Variants in WIZ observed in about 807,000 individuals in gnomAD.
The protein encoded by WIZ is WIZ zinc finger.
In WIZ, 25 loss-of-function variants were observed where a neutral mutation model predicts 140.2. The ratio of observed to expected loss-of-function variants is 0.18; its 90% CI spans 0.13 to 0.25. The LOEUF is 0.25. Ranked by LOEUF, WIZ falls within the 10% of genes least tolerant of loss-of-function variation. The pLI is 1.00. For synonymous variants in WIZ, 1,125 were observed against 1,154.3 expected (o/e 0.97, Z 0.51); for missense variants, 2,231 against 2,632.6 (o/e 0.85, Z 3.34).
chr19:15,428,050 C>T lies in WIZ; in HGVS notation c.3814+60G>A, dbSNP rs1475055904. 6.6e-7 allele frequency: 1 copy of T among 1,514,644 alleles called. No individual in the cohort carries two copies. The highest frequency in any genetic ancestry group is 8.8e-7 in the Non-Finnish European group (1 of 1,138,434). 93.8% of individuals were successfully genotyped at this position (1,514,644 alleles called of 1,614,324 possible). The stretch of plus-strand genomic sequence containing the variant: ...CCAGCAGGGAGGGGGCTGTGACCCC[C>T]CCCCCGGGAGGGGCTCCAGGGCCCG... On this transcript the variant is annotated intron_variant, in intron 8 of 12. Coordinates refer to ENST00000673675, the MANE Select transcript of WIZ (RefSeq NM_001371589.1). This position sits in a 1 kb window ranked among gnomAD's most constrained non-coding sequence, Gnocchi z 6.4.
intron 4 of WIZ, 60 bp from the exon 5 acceptor site, chr19:15,437,189 C>T (rs1969549446): frequency 1.4e-6 from 2 of 1,448,556 alleles, no homozygotes; most frequent in East Asian, 5.2e-5. Context: ...AGCCCCAACC[C>T]CTCCCCATAT....
rs1432535094 is a variant in WIZ, at chr19:15,440,465, G to A, written c.529C>T (p.His177Tyr). ...HRGEPRLLEK[H>Y]AQGRPRFDWL... Reference sequence around the variant, plus strand: ...TCGAACCTGGGGCGGCCCTGGGCATGTTTCTCCAAAAGCCTTGGTTCCCCC... The same window carrying A: ...TCGAACCTGGGGCGGCCCTGGGCATATTTCTCCAAAAGCCTTGGTTCCCCC... Residue 177 changes from histidine (H) to tyrosine (Y), a missense_variant, in exon 4 of 13, where the codon CAT becomes TAT. Transcript: ENST00000673675. This position sits in a 1 kb window ranked among gnomAD's most constrained non-coding sequence, Gnocchi z 6.2. The A allele has an allele frequency of 1.3e-6, 2 of 1,536,130 alleles. No homozygotes were observed. The highest frequency in any genetic ancestry group is 1.7e-6 in the Non-Finnish European group (2 of 1,146,892).
Position 15,438,782 on chromosome 19 carries a change from C to T in WIZ, c.2212G>A (p.Gly738Arg). 1 of 1,531,158 alleles carries T rather than the reference C, an allele frequency of 6.5e-7. No individual in the cohort carries two copies. The highest frequency in any genetic ancestry group is 8.7e-7 in the Non-Finnish European group (1 of 1,142,860). 94.8% of individuals were successfully genotyped at this position (1,531,158 alleles called of 1,614,324 possible). A position where few individuals can be genotyped will look rare whatever the true frequency, so the allele number is the denominator to read the frequency against. Residue 738 changes from glycine to arginine, a missense_variant, in exon 4 of 13, where the codon GGG becomes AGG. Around this residue, in one of 15 missense-constraint regions of WIZ, gnomAD observed 118 missense variants for 209.1 expected, o/e 0.56. Transcript: ENST00000673675. ...GPLGLDTLLD[G>R]DPAMALKHEE... Reference sequence around the variant, plus strand: ...TGCTTCAGTGCCATGGCCGGATCCCCATCCAGGAGTGTGTCCAGCCCCAGC... The same window carrying T: ...TGCTTCAGTGCCATGGCCGGATCCCTATCCAGGAGTGTGTCCAGCCCCAGC...
At chr19:15,433,208 C>T in intron 5 of WIZ, 1 of 972,648 alleles carries the variant, frequency 1.0e-6, no homozygotes, top group Non-Finnish European at 1.2e-6. Context: ...ATCCTGTTAT[C>T]CAACCGTCCC....
At chr19:15,426,167 G>A (rs1968807936) in intron 9 of WIZ, among the ~76,000 whole-genome samples, 1 of 151,958 alleles carries the variant, frequency 6.6e-6, no homozygotes, top group Non-Finnish European at 1.5e-5. Context: ...TTCCTCCGCT[G>A]CAAAATGGAG....
At position 15,430,908 on chromosome 19, in the gene WIZ, T is replaced by C. The variant is rs1244064911; in HGVS notation, c.2911+104A>G. On this transcript the variant is annotated intron_variant, in intron 6 of 12. Coordinates refer to ENST00000673675, the MANE Select transcript of WIZ (RefSeq NM_001371589.1). ...TGCCTCAAGGTGCCAGAGGGAAAAC[T>C]GCGGGCAACCTTGGGCCCCACATTA... is the stretch of plus-strand genomic sequence containing the variant. The C allele has an allele frequency of 6.6e-6, 9 of 1,373,236 alleles. No individual in the cohort carries two copies. In the African/African-American group the frequency reaches 1.2e-4, roughly 18 times the overall value. 85.1% of individuals were successfully genotyped at this position (1,373,236 alleles called of 1,614,324 possible).
chr19:15,429,239 A>G (rs1378967913), intron 7 of WIZ, among the ~76,000 whole-genome samples: 1 of 152,164 alleles, frequency 6.6e-6, no homozygotes, highest in African/African-American at 2.4e-5. Context: ...TGAGAAAGCT[A>G]GGCCACAGGA....
At position 15,422,960 on chromosome 19, in the gene WIZ, T is replaced by C. The variant is rs1968462619; in HGVS notation, c.*116A>G. 14 of 1,455,398 alleles carry C rather than the reference T, an allele frequency of 9.6e-6. No individual in the cohort carries two copies. The highest frequency in any genetic ancestry group is 9.1e-6 in the Non-Finnish European group (10 of 1,096,500). The allele number at this position is 1,455,398 out of a possible 1,614,324, so 90.2% of individuals were successfully genotyped here. On this transcript the variant is annotated 3_prime_UTR_variant, in exon 13 of 13. Coordinates refer to ENST00000673675, the MANE Select transcript of WIZ (RefSeq NM_001371589.1). The stretch of plus-strand genomic sequence containing the variant: ...GCCCGGCCCCCAAGGGGCGCCGGTT[T>C]GAGGTTTTGGCTTGCTCCTTTGGAA...
Position 15,427,136 on chromosome 19 carries a change from G to A in WIZ, c.4212C>T (p.Gly1404=). 1 of 1,614,214 alleles carries A rather than the reference G, an allele frequency of 6.2e-7. No individual in the cohort carries two copies. Among genetic ancestry groups the A allele is most frequent in the South Asian group, 1.1e-5 (1 of 91,090 alleles). The change falls in exon 9 of 13, where the codon GGC becomes GGT. Residue 1404 remains glycine (G), a synonymous_variant. Coordinates refer to ENST00000673675, the MANE Select transcript of WIZ (RefSeq NM_001371589.1). The surrounding 1 kb of genome is among the most constrained non-coding windows in gnomAD (Gnocchi z 6.4). ...TCTTGGGCAAGGAGGGTGCAGCCAG[G>A]CCTGGGAACATCTTTCGGGCCGTAG... ...PPPTARKMFP[G]LAAPSLPKKL... is the part of the protein sequence containing the mutation.
At chr19:15,425,830 GGAGGAGGGA>G (rs1968752026) in intron 9 of WIZ, 62 bp from the exon 10 acceptor site, 1 of 63,290 alleles carries the variant, frequency 1.6e-5, no homozygotes, top group Admixed American at 3.1e-4. Flanking sequence ...GGAGGAGGGA[GGAGGAGGGA>G]GGAGGAGGAG....
Position 15,421,170 on chromosome 19 carries a change from A to C in WIZ, c.*1906T>G, listed in dbSNP as rs1427522990. 1.3e-5 allele frequency: 2 copies of C among 152,276 alleles called. No homozygotes were observed. Among genetic ancestry groups the C allele is most frequent in the African/African-American group, 4.8e-5 (2 of 41,468 alleles). 9.4% of individuals were successfully genotyped at this position (152,276 alleles called of 1,614,324 possible). A position where few individuals can be genotyped will look rare whatever the true frequency, so the allele number is the denominator to read the frequency against. ...CTTATGAAAAGTTGAAAGAGGAAGA[A>C]ACACCTTTGAGTCAGCTCACAAGAT... On this transcript the variant is annotated 3_prime_UTR_variant, in exon 13 of 13. Coordinates refer to ENST00000673675, the MANE Select transcript of WIZ (RefSeq NM_001371589.1).
In WIZ at chr19:15,431,000, TG is replaced by T; in HGVS notation, c.2911+11del. On this transcript the variant is annotated intron_variant, in intron 6 of 12. Coordinates refer to ENST00000673675, the MANE Select transcript of WIZ (RefSeq NM_001371589.1). ...GGCCAGCATCCCCTGCCATGCCACCTGGGCCACTCACCCTTGAGGTCCTGCA... is the reference window on the plus strand; with the variant it reads ...GGCCAGCATCCCCTGCCATGCCACCTGGCCACTCACCCTTGAGGTCCTGCA... 1 of 1,520,156 alleles carries T rather than the reference TG, an allele frequency of 6.6e-7. No homozygotes were observed. Among genetic ancestry groups the T allele is most frequent in the Non-Finnish European group, 8.8e-7 (1 of 1,136,750 alleles). The allele number at this position is 1,520,156 out of a possible 1,614,324, so 94.2% of individuals were successfully genotyped here. A position where few individuals can be genotyped will look rare whatever the true frequency, so the allele number is the denominator to read the frequency against.
intron 2 of WIZ, among the ~76,000 whole-genome samples, chr19:15,444,598 CAGG>C: frequency 6.6e-6 from 1 of 152,254 alleles, no homozygotes; most frequent in Non-Finnish European, 1.5e-5. Flanking sequence ...TGAGAACCAC[CAGG>C]ATACACTGAT....
rs1204321092 is a variant in WIZ, at chr19:15,425,629, G to A, written c.4506C>T (p.Pro1502=). ...TGAGGATCTCTCGCAGTGTGTCGAT[G>A]GGCGAACCATTGACGGACCACTCGG... is the stretch of plus-strand genomic sequence containing the variant. ...GVTEWSVNGS[P]IDTLREILKK... is the part of the protein sequence containing the mutation. The change falls in exon 10 of 13, where the codon CCC becomes CCT. Residue 1502 remains proline (P), a synonymous_variant. Coordinates refer to ENST00000673675, the MANE Select transcript of WIZ (RefSeq NM_001371589.1). 6.2e-7 allele frequency: 1 copy of A among 1,613,618 alleles called. No homozygotes were observed. Among genetic ancestry groups the A allele is most frequent in the Admixed American group, 1.7e-5 (1 of 59,998 alleles).
chr19:15,429,489 C>CCCCCCCCCCCGG, intron 7 of WIZ, 97 bp downstream of exon 7: 1 of 882,440 alleles, frequency 1.1e-6, no homozygotes, highest in Non-Finnish European at 1.5e-6. Context: ...CCACCGCCCC[C>CCCCCCCCCCCGG]ACCCACCCTG....
At chr19:15,447,792 G>C (rs1969970710) in intron 2 of WIZ, among the ~76,000 whole-genome samples, 1 of 152,214 alleles carries the variant, frequency 6.6e-6, no homozygotes, top group Non-Finnish European at 1.5e-5. Context: ...GCTGGGGGCA[G>C]GGAGTCTGGG....
Position 15,448,156 on chromosome 19 carries a change from G to C in WIZ, c.152C>G (p.Pro51Arg), listed in dbSNP as rs926931346. Reference sequence around the variant, plus strand: ...GTCTCGGGGGCCCTCCTTGGTGACAGGCAGGTAACGGGTGGACCGGAAGAT... The same window carrying C: ...GTCTCGGGGGCCCTCCTTGGTGACACGCAGGTAACGGGTGGACCGGAAGAT... Reference protein sequence around the residue: ...GGIFRSTRYLPVTKEGPRDIL... With the variant: ...GGIFRSTRYLRVTKEGPRDIL... Residue 51 changes from proline (P) to arginine (R), a missense_variant, in exon 2 of 13, where the codon CCT becomes CGT. Around this residue, in one of 15 missense-constraint regions of WIZ, gnomAD observed 85 missense variants for 90.9 expected, o/e 0.94. Transcript: ENST00000673675. The C allele has an allele frequency of 6.2e-7, 1 of 1,612,862 alleles. No homozygotes were observed.
chr19:15,448,166 G>A lies in WIZ; in HGVS notation c.142C>T (p.Arg48Cys), dbSNP rs756946932. 36 of 1,612,946 alleles carry A rather than the reference G, an allele frequency of 2.2e-5. No homozygotes were observed. Among genetic ancestry groups the A allele is most frequent in the African/African-American group, 4.0e-5 (3 of 74,852 alleles). The change falls in exon 2 of 13, where the codon CGT (arginine) becomes TGT (cysteine). Residue 48 changes from arginine (R) to cysteine (C), a missense_variant. Physicochemically the swap from Arg to Cys is radical, Grantham distance 180. Coordinates refer to ENST00000673675, the MANE Select transcript of WIZ (RefSeq NM_001371589.1). ...EGEGGIFRST[R>C]YLPVTKEGPR... ...CCCTCCTTGGTGACAGGCAGGTAAC[G>A]GGTGGACCGGAAGATGCCACCTTCC...
At chr19:15,438,429 C>T (rs1242071909) in intron 4 of WIZ, 149 bp downstream of exon 4, 15 of 884,068 alleles carry the variant, frequency 1.7e-5, no homozygotes, top group African/African-American at 6.7e-5. Flanking sequence ...ACACATCCAC[C>T]GACCAGGTGG....
Sources: allele counts gnomAD v4.1 joint callset (sites outside exome capture counted in the v4.1 genomes callset), GRCh38; gene constraint gnomAD v4.1.1; regional missense constraint gnomAD v4.1.1; non-coding constraint Gnocchi (gnomAD v3.1); transcripts MANE v1.5; gene names NCBI Gene and HGNC (gene_info 2026-07-23, HGNC 2026-07-21).